ADAMTSL1: variants seen among roughly 807,000 people sequenced by gnomAD.
ADAMTSL1 encodes ADAMTS-like protein 1.
ADAMTSL1 carries 126 observed loss-of-function variants against 201.8 expected under a neutral mutation model. That is an observed-to-expected ratio of 0.62 (90% CI 0.54 to 0.72). The LOEUF is 0.72. Ranked by LOEUF, ADAMTSL1 falls within the 30% of genes least tolerant of loss-of-function variation. ADAMTSL1 has a pLI of 0.00. For missense variants in ADAMTSL1, 2,679 were observed against 2,277.8 expected (o/e 1.18, Z -3.59); for synonymous variants, 1,121 against 903.4 (o/e 1.24, Z -4.32).
At chr9:17,957,904 C>T (rs140646268) in intron 1 of ADAMTSL1, among the ~76,000 whole-genome samples, 10 of 152,192 alleles carry the variant, frequency 6.6e-5, no homozygotes, top group South Asian at 2.1e-4. Context: ...TCAGAGGAAG[C>T]GTGGCCCTGC....
intron 13 of ADAMTSL1, among the ~76,000 whole-genome samples, chr9:18,690,477 T>C (rs1178877055): frequency 2.0e-5 from 3 of 152,192 alleles, no homozygotes; most frequent in East Asian, 3.8e-4. Flanking sequence ...CTGAATTATA[T>C]TCTCTTCATG....
chr9:18,301,248 C>A (rs886993927), intron 2 of ADAMTSL1, among the ~76,000 whole-genome samples: 6 of 151,998 alleles, frequency 3.9e-5, no homozygotes, highest in African/African-American at 1.4e-4. Flanking sequence ...AAAAACAATG[C>A]GTCTTGGAAT....
intron 1 of ADAMTSL1, among the ~76,000 whole-genome samples, chr9:18,118,049 T>C (rs1244471916): frequency 6.6e-6 from 1 of 152,182 alleles, no homozygotes; most frequent in Non-Finnish European, 1.5e-5. Flanking sequence ...GAATGTATTG[T>C]TATCTGAAGC....
At chr9:18,432,551 C>A (rs1165741955) in intron 2 of ADAMTSL1, among the ~76,000 whole-genome samples, 1 of 152,154 alleles carries the variant, frequency 6.6e-6, no homozygotes, top group Non-Finnish European at 1.5e-5. Flanking sequence ...TTTCCCATAG[C>A]ACATCACCAA....
chr9:18,503,827 T>C (rs1396513384), intron 1 of ADAMTSL1, among the ~76,000 whole-genome samples: 1 of 152,138 alleles, frequency 6.6e-6, no homozygotes, highest in Admixed American at 6.6e-5. Context: ...TTTTAAAAGT[T>C]CAAAGGAGTA....
intron 1 of ADAMTSL1, among the ~76,000 whole-genome samples, chr9:18,047,183 T>G (rs928807768): frequency 1.3e-5 from 2 of 152,028 alleles, no homozygotes; most frequent in African/African-American, 2.4e-5. Context: ...ACACAGAAAA[T>G]ATAAAGAAAT....
chr9:18,273,521 T>C (rs1832466183), intron 2 of ADAMTSL1, among the ~76,000 whole-genome samples: 1 of 152,248 alleles, frequency 6.6e-6, no homozygotes, highest in Non-Finnish European at 1.5e-5. Flanking sequence ...TAAGGGGCAG[T>C]GCAGGCATTT....
intron 2 of ADAMTSL1, among the ~76,000 whole-genome samples, chr9:18,382,872 T>C (rs773382481): frequency 5.3e-5 from 8 of 152,194 alleles, no homozygotes; most frequent in Non-Finnish European, 1.0e-4. Flanking sequence ...CTGTACAGAC[T>C]TCCAAATGAT....
chr9:18,471,612 T>A (rs1821216738), upstream of ADAMTSL1, among the ~76,000 whole-genome samples: 1 of 152,228 alleles, frequency 6.6e-6, no homozygotes, highest in African/African-American at 2.4e-5. Context: ...AGTAAATTTG[T>A]AATTTCACCT....
At chr9:18,848,963 A>T (rs1398625325) in intron 23 of ADAMTSL1, among the ~76,000 whole-genome samples, 1 of 152,226 alleles carries the variant, frequency 6.6e-6, no homozygotes, top group African/African-American at 2.4e-5. Flanking sequence ...CAACTAATGA[A>T]CCAAAACTAA....
chr9:18,472,348 C>T (rs571713852), upstream of ADAMTSL1, among the ~76,000 whole-genome samples: 1 of 152,272 alleles, frequency 6.6e-6, no homozygotes, highest in African/African-American at 2.4e-5. Context: ...TGAGCATTAG[C>T]TAGTTTTTGA....
intron 2 of ADAMTSL1, among the ~76,000 whole-genome samples, chr9:18,206,667 C>A (rs867706705): frequency 2.0e-4 from 31 of 152,190 alleles, no homozygotes; most frequent in African/African-American, 7.5e-4. Flanking sequence ...CTTTCTCTAT[C>A]TTTTAGGACT....
chr9:18,579,035 A>T (rs936228926), intron 4 of ADAMTSL1, among the ~76,000 whole-genome samples: 1 of 151,980 alleles, frequency 6.6e-6, no homozygotes, highest in African/African-American at 2.4e-5. Context: ...TTCTTTTGAG[A>T]AGTGTCTGTT....
chr9:17,981,550 C>T (rs528428053), intron 1 of ADAMTSL1, among the ~76,000 whole-genome samples: 1 of 152,232 alleles, frequency 6.6e-6, no homozygotes, highest in South Asian at 2.1e-4. Flanking sequence ...GAAAATTGTT[C>T]GAGTGAGCCA....
intron 2 of ADAMTSL1, among the ~76,000 whole-genome samples, chr9:18,468,265 T>C (rs1821081264): frequency 6.6e-6 from 1 of 152,230 alleles, no homozygotes; most frequent in African/African-American, 2.4e-5. Context: ...TTGAGGGTAC[T>C]GAACAAGTCT....
intron 2 of ADAMTSL1, among the ~76,000 whole-genome samples, chr9:18,260,622 G>T (rs985101191): frequency 1.3e-5 from 2 of 152,194 alleles, no homozygotes; most frequent in Non-Finnish European, 1.5e-5. Flanking sequence ...TAATGCAGGG[G>T]CCTTGGCATT....
At chr9:18,881,007 C>G (rs1191814563) in intron 23 of ADAMTSL1, among the ~76,000 whole-genome samples, 2 of 152,188 alleles carry the variant, frequency 1.3e-5, no homozygotes, top group Non-Finnish European at 2.9e-5. Context: ...TAGCTTCCAA[C>G]TTTTCCTCTG....
chr9:18,693,856 A>G (rs1428256990), intron 13 of ADAMTSL1, among the ~76,000 whole-genome samples: 1 of 152,144 alleles, frequency 6.6e-6, no homozygotes, highest in African/African-American at 2.4e-5. Flanking sequence ...TTAATAGGGG[A>G]CCTATTAGGT....
intron 2 of ADAMTSL1, among the ~76,000 whole-genome samples, chr9:18,386,376 G>T (rs1259899293): frequency 4.6e-5 from 7 of 152,100 alleles, no homozygotes; most frequent in South Asian, 2.1e-4. Flanking sequence ...GGTAATTACT[G>T]GAGCCAGTGT....
Sources: allele counts gnomAD v4.1 joint callset (sites outside exome capture counted in the v4.1 genomes callset), GRCh38; gene constraint gnomAD v4.1.1; transcripts MANE v1.5; gene names NCBI Gene and HGNC (gene_info 2026-07-23, HGNC 2026-07-21).